The following BMP7 variants were observed in gnomAD, a reference collection of about 807,000 sequenced individuals.
BMP7 encodes osteogenic protein 1.
BMP7 carries 12 observed loss-of-function variants against 41.2 expected under a neutral mutation model. The observed-to-expected ratio is 0.29, with a 90% CI of 0.19 to 0.47. The LOEUF (loss-of-function observed/expected upper bound fraction) is 0.47. Ranked by LOEUF, BMP7 falls within the 20% of genes least tolerant of loss-of-function variation. BMP7 has a pLI of 0.99. For synonymous variants in BMP7, 248 were observed against 250.0 expected (o/e 0.99, Z 0.07); for missense variants, 467 against 606.0 (o/e 0.77, Z 2.41).
In BMP7 at chr20:57,213,633, C is replaced by T. The variant is rs2123102279; in HGVS notation, c.612-11010G>A. ...ATACAGCGACAAATGGAAGGCTCTC[C>T]CTCATTAGAGACACAGCCACCAGCA... On this transcript the variant is annotated intron_variant, in intron 2 of 6. Transcript: ENST00000395863. This position sits in a 1 kb window ranked among gnomAD's most constrained non-coding sequence, Gnocchi z 4.4. Among the ~76,000 whole-genome samples the T allele has an allele frequency of 6.6e-6, 1 of 152,236 alleles. No individual in the cohort carries two copies. The highest frequency in any genetic ancestry group is 2.1e-4 in the South Asian group (1 of 4,822).
intron 2 of BMP7, among the ~76,000 whole-genome samples, chr20:57,216,899 C>T (rs230207): frequency 0.66 from 100,256 of 152,034 alleles, 34,134 homozygotes; most frequent in African/African-American, 0.84. Context: ...CAGGGACCCC[C>T]GCCAGGACAA....
chr20:57,226,449 C>T (rs571436308), intron 2 of BMP7, among the ~76,000 whole-genome samples: 1 of 152,354 alleles, frequency 6.6e-6, no homozygotes, highest in South Asian at 2.1e-4. Context: ...GACATGAACA[C>T]GTATGTCAGC....
intron 2 of BMP7, among the ~76,000 whole-genome samples, chr20:57,206,539 A>T (rs1984735968): frequency 6.6e-6 from 1 of 152,196 alleles, no homozygotes; most frequent in South Asian, 2.1e-4. Context: ...GAAGATGTCA[A>T]ATCCTGTATG....
At chr20:57,179,946 G>A (rs1383025086) in intron 4 of BMP7, among the ~76,000 whole-genome samples, 1 of 152,040 alleles carries the variant, frequency 6.6e-6, no homozygotes, top group Non-Finnish European at 1.5e-5. Flanking sequence ...AGGAGGCGGT[G>A]GGGAAAATCA....
intron 2 of BMP7, among the ~76,000 whole-genome samples, chr20:57,212,223 C>T (rs532279331): frequency 1.3e-5 from 2 of 152,256 alleles, no homozygotes; most frequent in South Asian, 4.2e-4. Context: ...AAACATCTCC[C>T]GAAGGGGGTC....
At chr20:57,186,319 C>T (rs1038555828) in intron 3 of BMP7, among the ~76,000 whole-genome samples, 2 of 152,006 alleles carry the variant, frequency 1.3e-5, no homozygotes, top group Non-Finnish European at 2.9e-5. Context: ...TATGGGGTCC[C>T]GGAAAACAGG....
Position 57,228,784 on chromosome 20 carries a change from G to A in BMP7, c.419-363C>T, listed in dbSNP as rs1279246447. 6.6e-6 allele frequency among the ~76,000 whole-genome samples: 1 copy of A among 152,188 alleles called. No individual in the cohort carries two copies. Among genetic ancestry groups the A allele is most frequent in the African/African-American group, 2.4e-5 (1 of 41,446 alleles). On this transcript the variant is annotated intron_variant, in intron 1 of 6. Coordinates refer to ENST00000395863, the MANE Select transcript of BMP7 (RefSeq NM_001719.3). This position sits in a 1 kb window ranked among gnomAD's most constrained non-coding sequence, Gnocchi z 4.5. ...TAACCAACAGAGTGGCCCTAGATAA[G>A]GTAACAGAAAACCTCTATGGAACCC...
At chr20:57,249,623 G>A (rs1361193179) in intron 1 of BMP7, among the ~76,000 whole-genome samples, 1 of 152,134 alleles carries the variant, frequency 6.6e-6, no homozygotes, top group Non-Finnish European at 1.5e-5. Flanking sequence ...AAATGTGAAG[G>A]TACTCAGGGA....
At chr20:57,243,551 C>A (rs570894799) in intron 1 of BMP7, among the ~76,000 whole-genome samples, 1 of 152,098 alleles carries the variant, frequency 6.6e-6, no homozygotes, top group Non-Finnish European at 1.5e-5. Context: ...TCCTGACTTA[C>A]GGGTTTGAGG....
rs181432572 is a variant in BMP7, at chr20:57,225,636, A to G, written c.611+2593T>C. Among the ~76,000 whole-genome samples, 6 of 152,334 alleles carry G rather than the reference A, an allele frequency of 3.9e-5. No individual in the cohort carries two copies. The East Asian group carries it at 9.6e-4, about 24-fold the overall frequency. On this transcript the variant is annotated intron_variant, in intron 2 of 6. Transcript: ENST00000395863. ...CCATGCTCTTAATAGCTGGGGAATTACATCATAGGGGCATCTTGGTTCTAG... is the reference window on the plus strand; with the variant it reads ...CCATGCTCTTAATAGCTGGGGAATTGCATCATAGGGGCATCTTGGTTCTAG...
chr20:57,195,595 G>A (rs745959918), intron 3 of BMP7, among the ~76,000 whole-genome samples: 8 of 152,362 alleles, frequency 5.3e-5, no homozygotes, highest in East Asian at 3.9e-4. Flanking sequence ...AGCCAGCTGC[G>A]CCGTGGGCGG....
At chr20:57,176,883 G>C (rs953393235) in intron 4 of BMP7, among the ~76,000 whole-genome samples, 1 of 151,642 alleles carries the variant, frequency 6.6e-6, no homozygotes, top group African/African-American at 2.4e-5. Context: ...CTCAATTTTT[G>C]GCTTTTCTCT....
intron 1 of BMP7, among the ~76,000 whole-genome samples, chr20:57,234,497 CT>C (rs1412172357): frequency 1.3e-5 from 2 of 152,208 alleles, no homozygotes; most frequent in African/African-American, 4.8e-5. Flanking sequence ...CTCTTCCAAT[CT>C]ATGAGTTACG....
chr20:57,192,104 A>G (rs1984375596), intron 3 of BMP7, among the ~76,000 whole-genome samples: 2 of 124,982 alleles, frequency 1.6e-5, no homozygotes, highest in Admixed American at 1.8e-4. Context: ...TTATAAATTT[A>G]TATAATATAT....
At position 57,261,694 on chromosome 20, in the gene BMP7, G is replaced by T. The variant is rs918304370; in HGVS notation, c.418+4011C>A. Among the ~76,000 whole-genome samples the T allele has an allele frequency of 1.3e-5, 2 of 152,188 alleles. No individual in the cohort carries two copies. Among genetic ancestry groups the T allele is most frequent in the African/African-American group, 4.8e-5 (2 of 41,442 alleles). On this transcript the variant is annotated intron_variant, in intron 1 of 6. Transcript: ENST00000395863. The surrounding 1 kb of genome is among the most constrained non-coding windows in gnomAD (Gnocchi z 4.1). Reference sequence around the variant, plus strand: ...CTTTGGCTGCTCACCAGTGAGGGCCGGCGCTCCGAGTGCTGGAATGTGGAG... The same window carrying T: ...CTTTGGCTGCTCACCAGTGAGGGCCTGCGCTCCGAGTGCTGGAATGTGGAG...
At chr20:57,241,540 G>T (rs1009992741) in intron 1 of BMP7, among the ~76,000 whole-genome samples, 1 of 152,146 alleles carries the variant, frequency 6.6e-6, no homozygotes, top group Non-Finnish European at 1.5e-5. Flanking sequence ...TTCAACTCTC[G>T]AACTTTCCAC....
intron 3 of BMP7, among the ~76,000 whole-genome samples, chr20:57,199,358 T>C (rs1160369445): frequency 6.6e-6 from 1 of 152,206 alleles, no homozygotes; most frequent in African/African-American, 2.4e-5. Flanking sequence ...GGCCTCAAGT[T>C]ACCCAAGTCT....
intron 3 of BMP7, among the ~76,000 whole-genome samples, chr20:57,201,947 A>C (rs1324538695): frequency 6.6e-6 from 1 of 152,230 alleles, no homozygotes; most frequent in Non-Finnish European, 1.5e-5. Flanking sequence ...CTAATGTGGA[A>C]GGGACCAATG....
At chr20:57,190,142 C>T (rs1984315751) in intron 3 of BMP7, among the ~76,000 whole-genome samples, 1 of 151,648 alleles carries the variant, frequency 6.6e-6, no homozygotes, top group Non-Finnish European at 1.5e-5. Flanking sequence ...GAGCGAGGAA[C>T]CGGAGGGGGT....
Sources: allele counts gnomAD v4.1 joint callset (sites outside exome capture counted in the v4.1 genomes callset), GRCh38; gene constraint gnomAD v4.1.1; non-coding constraint Gnocchi (gnomAD v3.1); transcripts MANE v1.5; gene names NCBI Gene and HGNC (gene_info 2026-07-23, HGNC 2026-07-21).